RAF1: variants seen among roughly 807,000 people sequenced by gnomAD.
RAF1 encodes the protein RAF proto-oncogene serine/threonine-protein kinase.
A neutral mutation model predicts 81.1 loss-of-function variants in RAF1; 27 were observed. The observed-to-expected ratio is 0.33, with a 90% CI of 0.25 to 0.46. RAF1 has a LOEUF of 0.46. Among genes scored for constraint, RAF1 ranks in the 20% least tolerant of loss-of-function variants. The pLI, the probability that RAF1 is intolerant of heterozygous loss-of-function variation, is 1.00. For missense variants in RAF1, 598 were observed against 826.0 expected (o/e 0.72, Z 3.38); for synonymous variants, 298 against 294.0 (o/e 1.01, Z -0.14).
At chr3:12,619,463 C>T (rs2059484250) in intron 1 of RAF1, among the ~76,000 whole-genome samples, 1 of 151,382 alleles carries the variant, frequency 6.6e-6, no homozygotes, top group Admixed American at 6.6e-5. Flanking sequence ...ACTAGGGAGG[C>T]TGAGGCAGGA....
chr3:12,648,877 G>A (rs1316256520), intron 1 of RAF1, among the ~76,000 whole-genome samples: 4 of 152,228 alleles, frequency 2.6e-5, no homozygotes, highest in African/African-American at 9.6e-5. Flanking sequence ...CACTTTAGGA[G>A]GCCGACGTGG....
chr3:12,600,846 G>A (rs549100253), intron 8 of RAF1, among the ~76,000 whole-genome samples: 2 of 152,224 alleles, frequency 1.3e-5, no homozygotes, highest in Non-Finnish European at 2.9e-5. Context: ...ACAGGCGTGA[G>A]CCACCGTGCC....
chr3:12,618,552 G>C lies in RAF1; in HGVS notation c.170C>G (p.Thr57Ser). 6.2e-7 allele frequency: 1 copy of C among 1,614,206 alleles called. No homozygotes were observed. The highest frequency in any genetic ancestry group is 8.5e-7 in the Non-Finnish European group (1 of 1,180,036). ...CTTGTTCGGCAAGAAAACACGGATA[G>C]TGTTGCTTGTCTTAGAAGGATCTGT... The change falls in exon 2 of 18, where the codon ACT (threonine) becomes AGT (serine). Residue 57 changes from threonine (T) to serine (S), a missense_variant. Transcript: ENST00000442415.
intron 1 of RAF1, 109 bp downstream of exon 1, chr3:12,663,704 C>A: frequency 2.5e-6 from 1 of 392,202 alleles, no homozygotes; most frequent in Non-Finnish European, 4.5e-6. Flanking sequence ...TGCCCGGCAG[C>A]CGCGGGGCCG....
chr3:12,644,780 T>C (rs759279039), intron 1 of RAF1, among the ~76,000 whole-genome samples: 3 of 152,248 alleles, frequency 2.0e-5, no homozygotes, highest in East Asian at 1.9e-4. Flanking sequence ...TTTTGAGTTT[T>C]TCCTCAAATA....
In RAF1 at chr3:12,584,362, C is replaced by T; in HGVS notation, c.*152G>A. On this transcript the variant is annotated 3_prime_UTR_variant, in exon 18 of 18. Coordinates refer to ENST00000442415, the MANE Select transcript of RAF1 (RefSeq NM_001354689.3). ...CCCAAAGGGATAGAAAAGAAGGCAACATGAAGTTAAGGCCCTGTGAGCAGT... is the reference window on the plus strand; with the variant it reads ...CCCAAAGGGATAGAAAAGAAGGCAATATGAAGTTAAGGCCCTGTGAGCAGT... The T allele has an allele frequency of 8.5e-6, 8 of 939,326 alleles. No individual in the cohort carries two copies. The highest frequency in any genetic ancestry group is 1.3e-5 in the Non-Finnish European group (8 of 616,008). 58.2% of individuals were successfully genotyped at this position (939,326 alleles called of 1,614,324 possible).
chr3:12,600,467 T>G, intron 8 of RAF1, 52 bp from the exon 8 acceptor site: 103 of 1,592,176 alleles, frequency 6.5e-5, no homozygotes, highest in Middle Eastern at 1.7e-4. Context: ...AGATTTTCTC[T>G]GGGGGAGGGA....
chr3:12,642,310 C>A (rs112862554), intron 1 of RAF1, among the ~76,000 whole-genome samples: 1,482 of 147,818 alleles, frequency 0.01, 19 homozygotes, highest in African/African-American at 0.035. Context: ...AAAAAAACCC[C>A]AAAAAACAAA....
intron 1 of RAF1, among the ~76,000 whole-genome samples, chr3:12,654,543 G>A (rs560123182): frequency 3.3e-5 from 5 of 151,696 alleles, no homozygotes; most frequent in South Asian, 2.1e-4. Context: ...TCAAGGCTAC[G>A]GTGAGTGGAG....
At chr3:12,658,680 C>A (rs1346278427) in intron 1 of RAF1, among the ~76,000 whole-genome samples, 1 of 152,146 alleles carries the variant, frequency 6.6e-6, no homozygotes, top group African/African-American at 2.4e-5. Flanking sequence ...AAAATGTAAA[C>A]AACCTCTAAA....
chr3:12,642,791 A>G (rs935592269), intron 1 of RAF1, among the ~76,000 whole-genome samples: 1 of 148,592 alleles, frequency 6.7e-6, no homozygotes, highest in East Asian at 2.0e-4. Context: ...TGGGAGGCTG[A>G]GGGGAGAGGA....
At chr3:12,628,033 T>C (rs1289902005) in intron 1 of RAF1, among the ~76,000 whole-genome samples, 1 of 152,204 alleles carries the variant, frequency 6.6e-6, no homozygotes, top group Non-Finnish European at 1.5e-5. Context: ...GGCAGGATAA[T>C]CGCTTGAACC....
At chr3:12,598,210 G>A (rs761125634) in intron 11 of RAF1, among the ~76,000 whole-genome samples, 2 of 151,546 alleles carry the variant, frequency 1.3e-5, no homozygotes, top group African/African-American at 4.8e-5. Flanking sequence ...GGGGTTTCAC[G>A]ATGTTGCCCA....
intron 1 of RAF1, among the ~76,000 whole-genome samples, chr3:12,620,859 A>C (rs867464091): frequency 1.3e-5 from 2 of 152,042 alleles, no homozygotes; most frequent in African/African-American, 4.8e-5. Flanking sequence ...TATCTGTTTA[A>C]ATTTAAAGTC....
chr3:12,620,812 A>G (rs1042311240), intron 1 of RAF1, among the ~76,000 whole-genome samples: 5 of 152,144 alleles, frequency 3.3e-5, no homozygotes, highest in Admixed American at 6.5e-5. Context: ...TACTTGCCCA[A>G]GAACACCCCA....
intron 1 of RAF1, among the ~76,000 whole-genome samples, chr3:12,635,663 G>GAA: frequency 7.2e-6 from 1 of 138,496 alleles, no homozygotes; most frequent in Non-Finnish European, 1.5e-5. Flanking sequence ...AAAAAAAAGA[G>GAA]AGAGAGAGAT....
chr3:12,599,655 G>C (rs1428719514), intron 11 of RAF1, 36 bp downstream of exon 10: 2 of 1,541,306 alleles, frequency 1.3e-6, no homozygotes, highest in South Asian at 1.1e-5. Context: ...TCACACCAAA[G>C]CCCTGCAGTT....
chr3:12,631,289 T>C (rs371279419), intron 1 of RAF1, among the ~76,000 whole-genome samples: 6 of 152,182 alleles, frequency 3.9e-5, no homozygotes, highest in Non-Finnish European at 7.3e-5. Flanking sequence ...ATTTATCTAA[T>C]TGAGTTGTTA....
At chr3:12,607,558 G>A (rs1409990605) in intron 5 of RAF1, among the ~76,000 whole-genome samples, 2 of 152,120 alleles carry the variant, frequency 1.3e-5, no homozygotes, top group Non-Finnish European at 2.9e-5. Flanking sequence ...TGAGGTAGGA[G>A]GATTACTTGA....
Sources: allele counts gnomAD v4.1 joint callset (sites outside exome capture counted in the v4.1 genomes callset), GRCh38; gene constraint gnomAD v4.1.1; transcripts MANE v1.5; gene names NCBI Gene and HGNC (gene_info 2026-07-23, HGNC 2026-07-21).